The following RNF146 variants were observed in gnomAD, a reference collection of about 807,000 sequenced individuals.
The protein encoded by RNF146 is ring finger protein 146.
RNF146 carries 11 observed loss-of-function variants against 29.7 expected under a neutral mutation model. That is an observed-to-expected ratio of 0.37 (90% CI 0.23 to 0.61). The LOEUF is 0.61. Among genes scored for constraint, RNF146 ranks in the 20% least tolerant of loss-of-function variants. The pLI is 0.66. For missense variants in RNF146, 342 were observed against 438.9 expected (o/e 0.78, Z 1.97); for synonymous variants, 150 against 159.7 (o/e 0.94, Z 0.46).
At chr6:127,281,415 G>A (rs1322827884) in intron 2 of RNF146, among the ~76,000 whole-genome samples, 1 of 151,660 alleles carries the variant, frequency 6.6e-6, no homozygotes, top group Non-Finnish European at 1.5e-5. Context: ...TGGAATAGAT[G>A]CCATATTAAG....
rs60312390 is a variant in RNF146, at chr6:127,283,578, C to T, written c.3-3038C>T. 3.9e-3 allele frequency among the ~76,000 whole-genome samples: 590 copies of T among 151,788 alleles called. 7 individuals carry two copies. The highest frequency in any genetic ancestry group is 0.013 in the African/African-American group (558 of 41,494). On this transcript the variant is annotated intron_variant, in intron 2 of 2. Transcript: ENST00000368314. ...TTTTTTAAAAAGCCTTGAAGTATGT[C>T]TTATAGGTAGACTAGCAGTTTGGGG...
Position 127,287,750 on chromosome 6 carries a change from C to T in RNF146, c.*57C>T. On this transcript the variant is annotated 3_prime_UTR_variant, in exon 3 of 3. Transcript: ENST00000368314. The stretch of plus-strand genomic sequence containing the variant: ...TGAAAGGGTTACCTGTAAATTTCTG[C>T]CCACATAACATTATACTCATCCCTA... 8.9e-7 allele frequency: 1 copy of T among 1,127,986 alleles called. No homozygotes were observed. The allele number at this position is 1,127,986 out of a possible 1,614,324, so 69.9% of individuals were successfully genotyped here.
intron 2 of RNF146, among the ~76,000 whole-genome samples, chr6:127,285,056 G>A (rs572833264): frequency 2.7e-4 from 41 of 151,940 alleles, no homozygotes; most frequent in African/African-American, 8.7e-4. Context: ...AGAATTTCTG[G>A]TAAAGGAATT....
intron 2 of RNF146, 89 bp downstream of exon 2, chr6:127,280,429 A>T: frequency 7.0e-7 from 1 of 1,422,032 alleles, no homozygotes; most frequent in Non-Finnish European, 9.5e-7. Context: ...TGTCATATGT[A>T]GTTTTAATTA....
chr6:127,268,208 C>T (rs902862847), intron 1 of RNF146, among the ~76,000 whole-genome samples: 32 of 152,148 alleles, frequency 2.1e-4, no homozygotes, highest in African/African-American at 7.0e-4. Context: ...CACATCCCCC[C>T]CACCTCGTGT....
intron 1 of RNF146, 107 bp from the exon 2 acceptor site, chr6:127,280,124 T>G: frequency 1.8e-6 from 1 of 544,056 alleles, no homozygotes; most frequent in Non-Finnish European, 3.3e-6. Context: ...CATCTTGTCT[T>G]TAATTTTTCC....
chr6:127,287,770 TCCCTAGTA>T lies in RNF146; in HGVS notation c.*78_*85del. On this transcript the variant is annotated 3_prime_UTR_variant, in exon 3 of 3. Transcript: ENST00000368314. ...TTCTGCCCACATAACATTATACTCA[TCCCTAGTA>T]GTGCATTTTGGGAGTTGGGGTGGGA... The T allele has an allele frequency of 1.2e-6, 1 of 869,416 alleles. No homozygotes were observed. Among genetic ancestry groups the T allele is most frequent in the Non-Finnish European group, 1.8e-6 (1 of 547,228 alleles). 53.9% of individuals were successfully genotyped at this position (869,416 alleles called of 1,614,324 possible). A position where few individuals can be genotyped will look rare whatever the true frequency, so the allele number is the denominator to read the frequency against.
intron 2 of RNF146, 74 bp downstream of exon 2, chr6:127,280,414 GTATC>G: frequency 6.7e-7 from 1 of 1,499,860 alleles, no homozygotes; most frequent in Non-Finnish European, 9.0e-7. Flanking sequence ...GGTAAATTGA[GTATC>G]TGTCATATGT....
chr6:127,287,833 A>G lies in RNF146; in HGVS notation c.*140A>G, dbSNP rs1779733831. On this transcript the variant is annotated 3_prime_UTR_variant, in exon 3 of 3. Transcript: ENST00000368314. Reference sequence around the variant, plus strand: ...GTATGGGAAGGATAGACTCATAATTAAAATGTCTAACATGTCTCTGTTGAG... The same window carrying G: ...GTATGGGAAGGATAGACTCATAATTGAAATGTCTAACATGTCTCTGTTGAG... 1.6e-6 allele frequency: 1 copy of G among 606,680 alleles called. No individual in the cohort carries two copies. The highest frequency in any genetic ancestry group is 3.0e-6 in the Non-Finnish European group (1 of 333,944). The allele number at this position is 606,680 out of a possible 1,614,324, so 37.6% of individuals were successfully genotyped here. A position where few individuals can be genotyped will look rare whatever the true frequency, so the allele number is the denominator to read the frequency against.
chr6:127,271,203 C>T (rs1777445784), intron 1 of RNF146, among the ~76,000 whole-genome samples: 1 of 151,932 alleles, frequency 6.6e-6, no homozygotes, highest in Admixed American at 6.6e-5. Context: ...TATATTAATC[C>T]ACTGTTTATG....
Position 127,277,730 on chromosome 6 carries a change from C to T in RNF146, c.-108-2501C>T, listed in dbSNP as rs546512454. Among the ~76,000 whole-genome samples the T allele has an allele frequency of 4.6e-5, 7 of 152,046 alleles. No homozygotes were observed. The South Asian group carries it at 1.0e-3, about 23-fold the overall frequency. On this transcript the variant is annotated intron_variant, in intron 1 of 2. Transcript: ENST00000368314. The stretch of plus-strand genomic sequence containing the variant: ...TCACTGGCAGCTGATTAGATTGTGC[C>T]CACCAGATTAAGGGTGAGTCTGCCT...
intron 1 of RNF146, among the ~76,000 whole-genome samples, chr6:127,267,264 C>A (rs1479977439): frequency 1.3e-5 from 2 of 152,008 alleles, no homozygotes; most frequent in Non-Finnish European, 2.9e-5. Flanking sequence ...CCCTGGGTGA[C>A]GGCCGGAGCT....
chr6:127,268,043 A>G (rs1469024378), intron 1 of RNF146, among the ~76,000 whole-genome samples: 1 of 149,020 alleles, frequency 6.7e-6, no homozygotes, highest in African/African-American at 2.4e-5. Context: ...TATTTTCTCT[A>G]AGTGCCATTT....
chr6:127,284,085 CT>C (rs1240966191), intron 2 of RNF146, among the ~76,000 whole-genome samples: 1 of 151,484 alleles, frequency 6.6e-6, no homozygotes, highest in African/African-American at 2.4e-5. Flanking sequence ...AGGTTGGAAA[CT>C]TTTTTTTCTG....
intron 1 of RNF146, among the ~76,000 whole-genome samples, chr6:127,270,955 A>G (rs972766432): frequency 1.3e-5 from 2 of 151,896 alleles, no homozygotes; most frequent in South Asian, 2.1e-4. Context: ...AGCTGGGACT[A>G]CAGGTGTGCG....
intron 1 of RNF146, among the ~76,000 whole-genome samples, chr6:127,273,993 G>A (rs1297612268): frequency 6.6e-6 from 1 of 152,040 alleles, no homozygotes; most frequent in Admixed American, 6.6e-5. Flanking sequence ...TAGATACTTT[G>A]CTGTTATTTC....
intron 1 of RNF146, among the ~76,000 whole-genome samples, chr6:127,268,947 T>C (rs1429574823): frequency 1.3e-5 from 2 of 152,208 alleles, no homozygotes; most frequent in Non-Finnish European, 2.9e-5. Flanking sequence ...TTTTAAAGAA[T>C]ATTATTTTAT....
chr6:127,280,568 A>G (rs754551122), intron 2 of RNF146: 26 of 1,215,156 alleles, frequency 2.1e-5, no homozygotes, highest in Non-Finnish European at 2.5e-5. Flanking sequence ...CTGAAGACAC[A>G]GGAGTTTGCT....
chr6:127,287,521 T>A lies in RNF146; in HGVS notation c.908T>A (p.Val303Asp). 1.2e-6 allele frequency: 2 copies of A among 1,613,284 alleles called. No homozygotes were observed. Among genetic ancestry groups the A allele is most frequent in the Non-Finnish European group, 1.7e-6 (2 of 1,179,582 alleles). Residue 303 changes from valine to aspartate, a missense_variant, in exon 3 of 3, where the codon GTT becomes GAT. Transcript: ENST00000368314. ...SSDSEDVSAV[V>D]AQHSLTQQRL... ...GATAGTGAGGATGTATCTGCAGTTGTTGCACAGCACTCCTTGACCCAACAG... is the reference window on the plus strand; with the variant it reads ...GATAGTGAGGATGTATCTGCAGTTGATGCACAGCACTCCTTGACCCAACAG...
Sources: gnomAD v4.1 joint callset for allele counts (sites outside exome capture counted in the v4.1 genomes callset) on GRCh38, gnomAD v4.1.1 for gene constraint, MANE v1.5 for transcripts, NCBI Gene and HGNC (gene_info 2026-07-23, HGNC 2026-07-21) for gene names.